Variants in OSBPL11 observed in about 807,000 individuals in gnomAD.
OSBPL11 encodes oxysterol-binding protein-related protein 11.
In OSBPL11, 33 loss-of-function variants were observed where a neutral mutation model predicts 84.4. That is an observed-to-expected ratio of 0.39 (90% CI 0.30 to 0.52). The LOEUF (loss-of-function observed/expected upper bound fraction) is 0.52. Among genes scored for constraint, OSBPL11 ranks in the 20% least tolerant of loss-of-function variants. The pLI, the probability that OSBPL11 is intolerant of heterozygous loss-of-function variation, is 0.72. For missense variants in OSBPL11, 736 were observed against 901.1 expected (o/e 0.82, Z 2.35); for synonymous variants, 276 against 310.2 (o/e 0.89, Z 1.16).
chr3:125,532,011 T>C lies in OSBPL11; in HGVS notation c.2028A>G (p.Arg676=), dbSNP rs370931915. 18 of 1,599,392 alleles carry C rather than the reference T, an allele frequency of 1.1e-5. No homozygotes were observed. Among genetic ancestry groups the C allele is most frequent in the Non-Finnish European group, 1.4e-5 (17 of 1,175,790 alleles). Reference sequence around the variant, plus strand: ...GCGAGTCTGTCACATTTTTCCACAATCGCCTGAAATCCAAAAACCACACAT... The same window carrying C: ...GCGAGTCTGTCACATTTTTCCACAACCGCCTGAAATCCAAAAACCACACAT... The part of the protein sequence containing the change: ...LEKQDPFESR[R]LWKNVTDSLR... The change falls in exon 12 of 13, where the codon CGA becomes CGG. Residue 676 remains arginine (R), a synonymous_variant. Transcript: ENST00000296220.
intron 4 of OSBPL11, 56 bp downstream of exon 4, chr3:125,578,904 T>TA: frequency 3.1e-6 from 3 of 953,444 alleles, no homozygotes; most frequent in Admixed American, 5.7e-5. Flanking sequence ...AGGCAAAAAA[T>TA]AAAAAATATT....
chr3:125,549,148 A>G (rs1935863809), intron 9 of OSBPL11, among the ~76,000 whole-genome samples: 1 of 152,062 alleles, frequency 6.6e-6, no homozygotes, highest in Non-Finnish European at 1.5e-5. Context: ...CAGCCTCCCA[A>G]GTAGTTGGGA....
chr3:125,543,577 C>G (rs1034794590), intron 10 of OSBPL11, among the ~76,000 whole-genome samples: 1 of 152,078 alleles, frequency 6.6e-6, no homozygotes, highest in African/African-American at 2.4e-5. Flanking sequence ...TTTGATATAT[C>G]CTCGTCCCCT....
chr3:125,579,571 A>AT (rs1233882928), intron 3 of OSBPL11, among the ~76,000 whole-genome samples: 1 of 152,250 alleles, frequency 6.6e-6, no homozygotes, highest in Non-Finnish European at 1.5e-5. Context: ...GGTGAAATAC[A>AT]TAAAAAATAT....
Position 125,552,649 on chromosome 3 carries a change from G to A in OSBPL11, c.1186C>T (p.Arg396Cys), listed in dbSNP as rs1404388812. 3.7e-6 allele frequency: 6 copies of A among 1,613,194 alleles called. No individual in the cohort carries two copies. The highest frequency in any genetic ancestry group is 2.2e-5 in the East Asian group (1 of 44,884). Reference sequence around the variant, plus strand: ...TCTGCATACATTTCCAGCAAGGAACGCTTCTCTAGGATAAATGTAGGAAGC... The same window carrying A: ...TCTGCATACATTTCCAGCAAGGAACACTTCTCTAGGATAAATGTAGGAAGC... The part of the protein sequence containing the change: ...VVLPTFILEK[R>C]SLLEMYADFM... Residue 396 changes from arginine to cysteine, a missense_variant, in exon 9 of 13, where the codon CGT becomes TGT. Arg to Cys is a radical substitution (Grantham distance 180). This residue lies in a region of OSBPL11 where 579 missense variants were observed against 717.6 expected (regional missense o/e 0.81). Coordinates refer to ENST00000296220, the MANE Select transcript of OSBPL11 (RefSeq NM_022776.5).
intron 1 of OSBPL11, among the ~76,000 whole-genome samples, chr3:125,587,160 A>C (rs1341663936): frequency 1.3e-5 from 2 of 152,236 alleles, no homozygotes; most frequent in Non-Finnish European, 2.9e-5. Flanking sequence ...AGGATTCAGT[A>C]GTGAGTGAGA....
At position 125,583,664 on chromosome 3, in the gene OSBPL11, G is replaced by T. The variant is rs546325677; in HGVS notation, c.165-686C>A. On this transcript the variant is annotated intron_variant, in intron 1 of 12. Transcript: ENST00000296220. Reference sequence around the variant, plus strand: ...CCAACACTTTGGGAGATCAAGATAGGGGGATCACTTGAGCCCAGGAGTTTG... The same window carrying T: ...CCAACACTTTGGGAGATCAAGATAGTGGGATCACTTGAGCCCAGGAGTTTG... 8.9e-4 allele frequency among the ~76,000 whole-genome samples: 135 copies of T among 151,936 alleles called. 2 individuals are homozygous for T. The highest frequency in any genetic ancestry group is 3.0e-3 in the African/African-American group (124 of 41,440).
chr3:125,585,518 C>T (rs975472895), intron 1 of OSBPL11, among the ~76,000 whole-genome samples: 3 of 141,208 alleles, frequency 2.1e-5, no homozygotes, highest in Non-Finnish European at 1.5e-5. Flanking sequence ...ATTCATATAT[C>T]TAAAGAGTTA....
At chr3:125,583,084 T>G (rs1936452254) in intron 1 of OSBPL11, 106 bp from the exon 2 acceptor site, 3 of 694,812 alleles carry the variant, frequency 4.3e-6, no homozygotes, top group Non-Finnish European at 7.0e-6. Flanking sequence ...GCTCTATAAA[T>G]GCCTCAAATT....
At chr3:125,576,156 G>C in intron 5 of OSBPL11, 33 bp downstream of exon 5, 2 of 1,563,896 alleles carry the variant, frequency 1.3e-6, no homozygotes, top group Non-Finnish European at 1.7e-6. Context: ...AAATCATTTT[G>C]TGCATTTTAA....
chr3:125,588,221 C>CAAAAA (rs35794012), intron 1 of OSBPL11, among the ~76,000 whole-genome samples: 1 of 51,632 alleles, frequency 1.9e-5, no homozygotes, highest in Non-Finnish European at 3.9e-5. Context: ...GACCCTGTCT[C>CAAAAA]AAAAAAAAAA....
intron 11 of OSBPL11, 131 bp from the exon 12 acceptor site, chr3:125,532,145 T>C: frequency 1.1e-6 from 1 of 918,452 alleles, no homozygotes; most frequent in Non-Finnish European, 1.6e-6. Flanking sequence ...GTCATGCTTA[T>C]GAATTCCAAG....
intron 4 of OSBPL11, among the ~76,000 whole-genome samples, chr3:125,576,942 C>G (rs898551195): frequency 6.6e-6 from 1 of 152,192 alleles, no homozygotes; most frequent in African/African-American, 2.4e-5. Flanking sequence ...CCTCAGCTTC[C>G]CGAAGTGCTG....
At chr3:125,589,783 C>A (rs573948167) in intron 1 of OSBPL11, among the ~76,000 whole-genome samples, 2 of 152,282 alleles carry the variant, frequency 1.3e-5, no homozygotes, top group Non-Finnish European at 2.9e-5. Flanking sequence ...TGGAAGAAAC[C>A]ACAAAATTAT....
intron 12 of OSBPL11, among the ~76,000 whole-genome samples, chr3:125,531,281 C>A (rs1163297789): frequency 3.4e-5 from 5 of 147,040 alleles, no homozygotes; most frequent in South Asian, 2.1e-4. Context: ...CCAGGCCCCC[C>A]AGCTCATTTT....
chr3:125,582,069 T>C (rs927429562), intron 2 of OSBPL11, among the ~76,000 whole-genome samples: 3 of 152,052 alleles, frequency 2.0e-5, no homozygotes, highest in African/African-American at 7.2e-5. Flanking sequence ...GTGTGGTGGC[T>C]CACGCCTGTG....
chr3:125,560,635 G>A (rs1936062490), intron 7 of OSBPL11, 116 bp from the exon 8 acceptor site: 1 of 919,372 alleles, frequency 1.1e-6, no homozygotes, highest in Non-Finnish European at 1.5e-6. Context: ...GTGAATCTGA[G>A]TATGGGCAAA....
At chr3:125,581,298 G>A (rs1229629876) in intron 2 of OSBPL11, among the ~76,000 whole-genome samples, 1 of 151,922 alleles carries the variant, frequency 6.6e-6, no homozygotes, top group Non-Finnish European at 1.5e-5. Flanking sequence ...TGCCATGTTG[G>A]CCAGACTGAT....
chr3:125,552,744 T>C, intron 8 of OSBPL11, 65 bp from the exon 9 acceptor site: 3 of 1,498,564 alleles, frequency 2.0e-6, no homozygotes, highest in Non-Finnish European at 2.7e-6. Flanking sequence ...TAGACAACTA[T>C]TCTCTCTCTG....
Sources: allele counts gnomAD v4.1 joint callset (sites outside exome capture counted in the v4.1 genomes callset), GRCh38; gene constraint gnomAD v4.1.1; regional missense constraint gnomAD v4.1.1; transcripts MANE v1.5; gene names NCBI Gene and HGNC (gene_info 2026-07-23, HGNC 2026-07-21).